Variants in SNTA1 observed in about 807,000 individuals in gnomAD.
SNTA1 encodes the protein alpha-1-syntrophin.
SNTA1 carries 31 observed loss-of-function variants against 47.1 expected under a neutral mutation model. The observed-to-expected ratio is 0.66, with a 90% CI of 0.49 to 0.89. The LOEUF (loss-of-function observed/expected upper bound fraction) is 0.89, where lower values mean the gene tolerates loss of function less well. SNTA1 is among the 40% of genes least tolerant of loss of function. The probability of loss-of-function intolerance (pLI) is 0.00; values close to 1 mark genes in which losing one functional copy is unlikely to be tolerated. For missense variants in SNTA1, 575 were observed against 693.0 expected, an observed-to-expected ratio of 0.83 and a Z score of 1.91; for synonymous variants, 300 against 313.6, an observed-to-expected ratio of 0.96 and a Z score of 0.46.
chr20:33,417,829 C>T lies in SNTA1; in HGVS notation c.591G>A (p.Arg197=). 6.2e-7 allele frequency: 1 copy of T among 1,613,956 alleles called. No homozygotes were observed. Among genetic ancestry groups the T allele is most frequent in the Middle Eastern group, 1.6e-4 (1 of 6,062 alleles). ...WDSPPASPLQ[R]QPSSPGPTPR... Reference sequence around the variant, plus strand: ...GTGTGGGGCCAGGGGAGGAAGGCTGCCGCTGAAGGGGTGAGGCAGGAGGTG... The same window carrying T: ...GTGTGGGGCCAGGGGAGGAAGGCTGTCGCTGAAGGGGTGAGGCAGGAGGTG... Residue 197 remains arginine, a synonymous_variant, in exon 3 of 8, where the codon CGG becomes CGA. Transcript: ENST00000217381.
At chr20:33,413,652 A>G (rs158674) in intron 3 of SNTA1, among the ~76,000 whole-genome samples, 93,882 of 151,140 alleles carry the variant, frequency 0.62, 29,683 homozygotes, top group Non-Finnish European at 0.69. Flanking sequence ...ACTAAGCTGG[A>G]CATGGTGGCT....
chr20:33,426,878 A>G (rs928260877), intron 2 of SNTA1, among the ~76,000 whole-genome samples: 2 of 151,946 alleles, frequency 1.3e-5, no homozygotes, highest in Middle Eastern at 3.2e-3. Flanking sequence ...CCTGGCCAAC[A>G]TGGCAAAACT....
chr20:33,428,448 A>G (rs566422289), intron 2 of SNTA1, among the ~76,000 whole-genome samples: 2 of 152,284 alleles, frequency 1.3e-5, no homozygotes, highest in Non-Finnish European at 2.9e-5. Context: ...AAGATAAAAA[A>G]GAATGAGACT....
Position 33,428,753 on chromosome 20 carries a change from T to A in SNTA1, c.496+10088A>T, listed in dbSNP as rs189295401. Among the ~76,000 whole-genome samples, 176 of 152,018 alleles carry A rather than the reference T, an allele frequency of 1.2e-3. 3 individuals are homozygous for A. In the East Asian group the frequency reaches 0.033, roughly 28 times the overall value. On this transcript the variant is annotated intron_variant, in intron 2 of 7. Coordinates refer to ENST00000217381, the MANE Select transcript of SNTA1 (RefSeq NM_003098.3). ...CTATGCCCAGCTAATTTTTAAAAAA[T>A]TTTTTGGCCAGGCACAGTGGCTCAC...
intron 2 of SNTA1, 79 bp from the exon 3 acceptor site, chr20:33,418,002 G>A (rs754851905): frequency 1.3e-4 from 126 of 974,314 alleles, no homozygotes; most frequent in Non-Finnish European, 1.9e-4. Flanking sequence ...AATTTATTAA[G>A]AGTTTAATTT....
intron 3 of SNTA1, among the ~76,000 whole-genome samples, chr20:33,412,996 C>CAT (rs762219990): frequency 2.0e-5 from 3 of 152,086 alleles, no homozygotes; most frequent in Non-Finnish European, 4.4e-5. Context: ...CACACGTGTT[C>CAT]ATATATTTTG....
intron 2 of SNTA1, among the ~76,000 whole-genome samples, chr20:33,421,957 CAAAAAAAAA>C (rs34754645): frequency 1.4e-5 from 1 of 70,042 alleles, no homozygotes. Flanking sequence ...ACCCTGTCTC[CAAAAAAAAA>C]AAAAAAAAAA....
chr20:33,422,502 G>A (rs1001052197), intron 2 of SNTA1, among the ~76,000 whole-genome samples: 1 of 151,956 alleles, frequency 6.6e-6, no homozygotes, highest in African/African-American at 2.4e-5. Context: ...AGAGTTGGCT[G>A]GGCAGTAGCT....
intron 3 of SNTA1, among the ~76,000 whole-genome samples, chr20:33,415,896 G>A (rs1206117272): frequency 3.3e-5 from 5 of 152,012 alleles, no homozygotes; most frequent in Non-Finnish European, 7.4e-5. Flanking sequence ...ATCACCTGAG[G>A]TCAGGAGTTC....
At chr20:33,431,960 G>T (rs1169045842) in intron 2 of SNTA1, among the ~76,000 whole-genome samples, 1 of 152,150 alleles carries the variant, frequency 6.6e-6, no homozygotes, top group Non-Finnish European at 1.5e-5. Context: ...AAGGTCCGGG[G>T]AACAGGCCAG....
At chr20:33,428,872 C>T (rs150464145) in intron 2 of SNTA1, among the ~76,000 whole-genome samples, 107 of 151,900 alleles carry the variant, frequency 7.0e-4, no homozygotes, top group African/African-American at 2.5e-3. Context: ...GAAACCCCAT[C>T]CCTACTAAAA....
chr20:33,443,558 C>G lies in SNTA1; in HGVS notation c.63G>C (p.Ser21=). 3 of 1,330,388 alleles carry G rather than the reference C, an allele frequency of 2.3e-6. No individual in the cohort carries two copies. The highest frequency in any genetic ancestry group is 1.9e-6 in the Non-Finnish European group (2 of 1,033,134). 82.4% of individuals were successfully genotyped at this position (1,330,388 alleles called of 1,614,324 possible). Residue 21 remains serine, a synonymous_variant, in exon 1 of 8, where the codon TCG becomes TCC. Transcript: ENST00000217381. ...GLLELRAGAG[S]GAGGERWQRV... is the part of the protein sequence containing the mutation. The stretch of plus-strand genomic sequence containing the variant: ...GCTGCCATCGCTCGCCGCCGGCCCC[C>G]GAGCCCGCCCCGGCGCGCAGCTCCA...
chr20:33,408,356 C>T lies in SNTA1; in HGVS notation c.*151G>A, dbSNP rs1639976391. On this transcript the variant is annotated 3_prime_UTR_variant, in exon 8 of 8. Transcript: ENST00000217381. Reference sequence around the variant, plus strand: ...GCGTCTGGGTCCTGGGCCCCAAGACCAATCCAGTCTCCCTCAGGGTTGGGG... The same window carrying T: ...GCGTCTGGGTCCTGGGCCCCAAGACTAATCCAGTCTCCCTCAGGGTTGGGG... 1 of 697,932 alleles carries T rather than the reference C, an allele frequency of 1.4e-6. No homozygotes were observed. The highest frequency in any genetic ancestry group is 2.7e-5 in the East Asian group (1 of 36,792). The allele number at this position is 697,932 out of a possible 1,614,324, so 43.2% of individuals were successfully genotyped here. A position where few individuals can be genotyped will look rare whatever the true frequency, so the allele number is the denominator to read the frequency against.
chr20:33,424,043 G>C (rs182200576), intron 2 of SNTA1, among the ~76,000 whole-genome samples: 1 of 152,052 alleles, frequency 6.6e-6, no homozygotes, highest in Non-Finnish European at 1.5e-5. Context: ...GGCCGGGCGC[G>C]GTGGCTCACA....
intron 2 of SNTA1, among the ~76,000 whole-genome samples, chr20:33,427,574 T>G (rs866282308): frequency 6.6e-6 from 1 of 152,146 alleles, no homozygotes; most frequent in Non-Finnish European, 1.5e-5. Flanking sequence ...AAATCTCACC[T>G]TACCACACCC....
chr20:33,410,443 A>C, intron 5 of SNTA1, 112 bp from the exon 6 acceptor site: 1 of 685,636 alleles, frequency 1.5e-6, no homozygotes, highest in Non-Finnish European at 2.5e-6. Context: ...TTACCACCTA[A>C]CAGGACAGGA....
intron 2 of SNTA1, among the ~76,000 whole-genome samples, chr20:33,425,230 A>G (rs1389486489): frequency 1.3e-5 from 2 of 151,884 alleles, no homozygotes; most frequent in African/African-American, 4.8e-5. Flanking sequence ...TGATCATGCA[A>G]CTACACTCCG....
In SNTA1 at chr20:33,408,741, C is replaced by T; in HGVS notation, c.1385G>A (p.Ser462Asn). 2 of 1,614,198 alleles carry T rather than the reference C, an allele frequency of 1.2e-6. No homozygotes were observed. Among genetic ancestry groups the T allele is most frequent in the Non-Finnish European group, 1.7e-6 (2 of 1,180,042 alleles). Residue 462 changes from serine (S) to asparagine (N), a missense_variant, in exon 7 of 8, where the codon AGT becomes AAT. Coordinates refer to ENST00000217381, the MANE Select transcript of SNTA1 (RefSeq NM_003098.3). ...ACCTCCAAAATCCAGGAAAAGGAGACTGGCACCGTCATCTGAAGACATCTG... is the reference window on the plus strand; with the variant it reads ...ACCTCCAAAATCCAGGAAAAGGAGATTGGCACCGTCATCTGAAGACATCTG... ...KLQMSSDDGA[S>N]LLFLDFGGAE...
intron 3 of SNTA1, among the ~76,000 whole-genome samples, chr20:33,416,071 G>T (rs1244308117): frequency 6.6e-6 from 1 of 152,044 alleles, no homozygotes; most frequent in East Asian, 1.9e-4. Context: ...TTACACCACT[G>T]CACTCCAGCC....
Sources: gnomAD v4.1 joint callset for allele counts (sites outside exome capture counted in the v4.1 genomes callset) on GRCh38, gnomAD v4.1.1 for gene constraint, MANE v1.5 for transcripts, NCBI Gene and HGNC (gene_info 2026-07-23, HGNC 2026-07-21) for gene names.